RABGEF1: variants seen among roughly 807,000 people sequenced by gnomAD.
The protein encoded by RABGEF1 is RAB guanine nucleotide exchange factor 1.
A neutral mutation model predicts 57.3 loss-of-function variants in RABGEF1; 26 were observed. The observed-to-expected ratio is 0.45, with a 90% confidence interval of 0.33 to 0.63. The LOEUF is 0.63. Among genes scored for constraint, RABGEF1 ranks in the 20% least tolerant of loss-of-function variants. RABGEF1 has a pLI of 0.02. For synonymous variants in RABGEF1, 185 were observed against 210.7 expected, an observed-to-expected ratio of 0.88 and a Z score of 1.06; for missense variants, 464 against 607.6, an observed-to-expected ratio of 0.76 and a Z score of 2.48.
chr7:66,727,308 G>T (rs1796694373), intron 2 of RABGEF1, among the ~76,000 whole-genome samples: 2 of 152,212 alleles, frequency 1.3e-5, no homozygotes, highest in African/African-American at 4.8e-5. Flanking sequence ...GGGACAGGGT[G>T]AGTCAGGGGA....
At chr7:66,791,949 T>C (rs2129163423) in intron 4 of RABGEF1, among the ~76,000 whole-genome samples, 1 of 152,048 alleles carries the variant, frequency 6.6e-6, no homozygotes, top group East Asian at 1.9e-4. Flanking sequence ...CTGTCTCTAC[T>C]AGAAATAAAA....
intron 4 of RABGEF1, among the ~76,000 whole-genome samples, chr7:66,786,665 A>G (rs1167636512): frequency 6.6e-6 from 1 of 152,158 alleles, no homozygotes; most frequent in Non-Finnish European, 1.5e-5. Context: ...TGGCCTCCCA[A>G]AGAGCTGGGA....
In RABGEF1 at chr7:66,809,083, A is replaced by G. The variant is rs1789107335; in HGVS notation, c.1275A>G (p.Glu425=). The G allele has an allele frequency of 1.2e-6, 2 of 1,614,164 alleles. No homozygotes were observed. Among genetic ancestry groups the G allele is most frequent in the Non-Finnish European group, 1.7e-6 (2 of 1,180,022 alleles). Residue 425 remains glutamate (E), a synonymous_variant, in exon 9 of 9, where the codon GAA becomes GAG. Transcript: ENST00000284957. The part of the protein sequence containing the change: ...DLLSQLNERQ[E]RIMNEAKKLE... ...TGTCTCAGTTGAATGAACGACAAGA[A>G]AGGATCATGAATGAAGCCAAGAAAC...
chr7:66,655,084 A>G, the RABGEF1 span, among the ~76,000 whole-genome samples: 1 of 152,152 alleles, frequency 6.6e-6, no homozygotes, highest in African/African-American at 2.4e-5. Flanking sequence ...GACCCAGACC[A>G]CAGCTCTTGG....
intron 1 of RABGEF1, among the ~76,000 whole-genome samples, chr7:66,707,036 C>T (rs1462192713): frequency 1.3e-5 from 2 of 152,042 alleles, no homozygotes; most frequent in African/African-American, 2.4e-5. Flanking sequence ...CCACCCGCCT[C>T]GGCCTCCCAA....
At chr7:66,783,630 G>A (rs549007188) in intron 3 of RABGEF1, 45 bp from the exon 4 acceptor site, 1 of 1,502,056 alleles carries the variant, frequency 6.7e-7, no homozygotes, top group African/African-American at 1.4e-5. Flanking sequence ...TCCATGCATG[G>A]ATCTTTTATG....
intron 5 of RABGEF1, chr7:66,796,978 G>C (rs2129174581): frequency 2.4e-6 from 1 of 416,340 alleles, no homozygotes; most frequent in East Asian, 7.2e-5. Flanking sequence ...TAGTAAATTA[G>C]TTTTTTGCTG....
At chr7:66,733,567 G>T (rs1474142874) in intron 2 of RABGEF1, among the ~76,000 whole-genome samples, 1 of 152,088 alleles carries the variant, frequency 6.6e-6, no homozygotes, top group Non-Finnish European at 1.5e-5. Context: ...GCATTGCAGC[G>T]CATTCCTGTA....
chr7:66,784,980 G>A (rs1188661647), intron 4 of RABGEF1, among the ~76,000 whole-genome samples: 1 of 151,472 alleles, frequency 6.6e-6, no homozygotes, highest in Non-Finnish European at 1.5e-5. Context: ...TTTTTTTCTT[G>A]AGCCCACATG....
At chr7:66,687,390 T>C (rs1232895247) in intron 1 of RABGEF1, among the ~76,000 whole-genome samples, 1 of 149,690 alleles carries the variant, frequency 6.7e-6, no homozygotes, top group Non-Finnish European at 1.5e-5. Context: ...CCTCCCAGAG[T>C]GCTGAGATTG....
At chr7:66,663,680 A>G in the RABGEF1 span, among the ~76,000 whole-genome samples, 1 of 149,744 alleles carries the variant, frequency 6.7e-6, no homozygotes, top group Non-Finnish European at 1.5e-5. Context: ...AGCATGGCAC[A>G]TGTATACATA....
the RABGEF1 span, among the ~76,000 whole-genome samples, chr7:66,676,971 G>A: frequency 6.6e-6 from 1 of 152,128 alleles, no homozygotes; most frequent in Non-Finnish European, 1.5e-5. Context: ...TGTCCGTTTG[G>A]TTTCATAGCC....
chr7:66,798,237 C>T (rs1435272802), intron 6 of RABGEF1, among the ~76,000 whole-genome samples: 1 of 152,186 alleles, frequency 6.6e-6, no homozygotes, highest in Non-Finnish European at 1.5e-5. Flanking sequence ...CCACAGCACC[C>T]AGTCTTCCAG....
At chr7:66,718,822 A>G (rs1795689633) in intron 2 of RABGEF1, among the ~76,000 whole-genome samples, 1 of 152,216 alleles carries the variant, frequency 6.6e-6, no homozygotes, top group Non-Finnish European at 1.5e-5. Context: ...GTTTATATAA[A>G]TTGTTAATCA....
At chr7:66,693,018 G>C (rs1791766926) in intron 1 of RABGEF1, among the ~76,000 whole-genome samples, 1 of 152,140 alleles carries the variant, frequency 6.6e-6, no homozygotes, top group Non-Finnish European at 1.5e-5. Context: ...AGAGGCCCAG[G>C]CCCTCCTAGC....
At chr7:66,684,395 G>T (rs543196545) in intron 1 of RABGEF1, among the ~76,000 whole-genome samples, 1 of 152,234 alleles carries the variant, frequency 6.6e-6, no homozygotes, top group East Asian at 1.9e-4. Flanking sequence ...CTGAACCGAG[G>T]TTGCACCAGT....
At chr7:66,662,518 C>T in the RABGEF1 span, among the ~76,000 whole-genome samples, 4 of 152,206 alleles carry the variant, frequency 2.6e-5, no homozygotes, top group African/African-American at 7.2e-5. Flanking sequence ...GAGGAGCTGA[C>T]ATCAACCCCA....
intron 2 of RABGEF1, among the ~76,000 whole-genome samples, chr7:66,725,495 C>T (rs1427095323): frequency 6.6e-6 from 1 of 152,220 alleles, no homozygotes; most frequent in Non-Finnish European, 1.5e-5. Context: ...CAGAGTCCAT[C>T]CATGTTGTGG....
At chr7:66,698,330 C>T (rs1322186776) in intron 1 of RABGEF1, among the ~76,000 whole-genome samples, 3 of 152,158 alleles carry the variant, frequency 2.0e-5, no homozygotes, top group Admixed American at 2.0e-4. Context: ...GATCAGAACC[C>T]CCAGGGCAAG....
Sources: gnomAD v4.1 joint callset for allele counts (sites outside exome capture counted in the v4.1 genomes callset) on GRCh38, gnomAD v4.1.1 for gene constraint, MANE v1.5 for transcripts, NCBI Gene and HGNC (gene_info 2026-07-23, HGNC 2026-07-21) for gene names.